TNKS: variants seen among roughly 807,000 people sequenced by gnomAD.
TNKS encodes the protein tankyrase.
A neutral mutation model predicts 135.8 loss-of-function variants in TNKS; 72 were observed. That is an observed-to-expected ratio of 0.53 (90% confidence interval 0.44 to 0.64). TNKS has a LOEUF of 0.64. Among genes scored for constraint, TNKS ranks in the 30% least tolerant of loss-of-function variants. TNKS has a pLI of 0.00. For missense variants in TNKS, 1,769 were observed against 1,674.0 expected (o/e 1.06, Z -0.99); for synonymous variants, 849 against 649.3 (o/e 1.31, Z -4.68).
chr8:9,723,245 G>A (rs1201636466), intron 12 of TNKS, among the ~76,000 whole-genome samples: 1 of 139,168 alleles, frequency 7.2e-6, no homozygotes, highest in Non-Finnish European at 1.6e-5. Context: ...GTATGTCTCT[G>A]TAGACTATGG....
chr8:9,620,802 A>G (rs571532269), intron 3 of TNKS, among the ~76,000 whole-genome samples: 2 of 152,314 alleles, frequency 1.3e-5, no homozygotes, highest in East Asian at 1.9e-4. Context: ...CCATCAGCCT[A>G]TTTGATTTCC....
At chr8:9,668,801 A>G (rs1423967716) in intron 3 of TNKS, among the ~76,000 whole-genome samples, 3 of 152,220 alleles carry the variant, frequency 2.0e-5, no homozygotes, top group Admixed American at 6.5e-5. Context: ...TAGAGTTGAT[A>G]GTGTGTGTTG....
At chr8:9,740,456 G>A (rs971342461) in intron 17 of TNKS, among the ~76,000 whole-genome samples, 1 of 152,166 alleles carries the variant, frequency 6.6e-6, no homozygotes, top group Non-Finnish European at 1.5e-5. Context: ...CCTTTGTAAT[G>A]AGACTGTCGT....
At chr8:9,682,998 T>C (rs987830383) in intron 5 of TNKS, among the ~76,000 whole-genome samples, 18 of 152,150 alleles carry the variant, frequency 1.2e-4, no homozygotes, top group Admixed American at 9.8e-4. Context: ...AGGGTTTTTT[T>C]CAAATTAAAT....
chr8:9,734,609 T>C (rs1326087795), intron 15 of TNKS, among the ~76,000 whole-genome samples: 1 of 152,208 alleles, frequency 6.6e-6, no homozygotes, highest in Non-Finnish European at 1.5e-5. Context: ...ATTATATAGG[T>C]TGTCTCAAAG....
intron 18 of TNKS, 101 bp downstream of exon 18, chr8:9,748,313 C>G (rs1806342877): frequency 3.7e-6 from 4 of 1,080,088 alleles, no homozygotes; most frequent in Non-Finnish European, 4.8e-6. Context: ...GTTTATTTCA[C>G]TTAGAACAGA....
intron 20 of TNKS, among the ~76,000 whole-genome samples, chr8:9,756,928 A>G (rs1308678999): frequency 6.6e-6 from 1 of 151,994 alleles, no homozygotes; most frequent in East Asian, 1.9e-4. Context: ...CTCTGCTGAA[A>G]AGACTTCCCA....
chr8:9,573,631 G>C (rs1797841349), intron 1 of TNKS, among the ~76,000 whole-genome samples: 1 of 152,186 alleles, frequency 6.6e-6, no homozygotes, highest in Non-Finnish European at 1.5e-5. Flanking sequence ...TTAGTTTACA[G>C]TTACTTTATC....
At chr8:9,572,944 A>G (rs923822564) in intron 1 of TNKS, among the ~76,000 whole-genome samples, 6 of 152,040 alleles carry the variant, frequency 3.9e-5, no homozygotes, top group Non-Finnish European at 7.4e-5. Flanking sequence ...CAATATTTTC[A>G]TTGTTAAGAA....
At position 9,623,179 on chromosome 8, in the gene TNKS, C is replaced by A. The variant is rs569480944; in HGVS notation, c.994+7502C>A. Among the ~76,000 whole-genome samples, 3 of 152,282 alleles carry A rather than the reference C, an allele frequency of 2.0e-5. No homozygotes were observed. The East Asian group carries it at 5.8e-4, about 29-fold the overall frequency. On this transcript the variant is annotated intron_variant, in intron 3 of 26. Coordinates refer to ENST00000310430, the MANE Select transcript of TNKS (RefSeq NM_003747.3). ...GATAATGGGGAATATCATAAACGAT[C>A]TTCTTCAGTCTTTGCTCTCTAGTCA... is the stretch of plus-strand genomic sequence containing the variant.
chr8:9,667,438 C>A (rs1378519160), intron 3 of TNKS, among the ~76,000 whole-genome samples: 1 of 152,214 alleles, frequency 6.6e-6, no homozygotes, highest in Non-Finnish European at 1.5e-5. Flanking sequence ...ATGCGTAAGC[C>A]TACTGAGGGC....
intron 11 of TNKS, among the ~76,000 whole-genome samples, chr8:9,719,235 C>A (rs912146081): frequency 3.9e-5 from 6 of 152,098 alleles, no homozygotes; most frequent in African/African-American, 1.4e-4. Flanking sequence ...AGTACAACAG[C>A]CTTACTGGTA....
At chr8:9,657,249 G>T (rs1801426588) in intron 3 of TNKS, among the ~76,000 whole-genome samples, 1 of 124,296 alleles carries the variant, frequency 8.0e-6, no homozygotes, top group Non-Finnish European at 1.8e-5. Context: ...CGGGCGGGGG[G>T]CCGACCCCCC....
intron 1 of TNKS, among the ~76,000 whole-genome samples, chr8:9,564,740 T>C (rs1474339369): frequency 6.6e-6 from 1 of 152,238 alleles, no homozygotes; most frequent in African/African-American, 2.4e-5. Flanking sequence ...TTGAGGCACC[T>C]AATACCATGC....
At chr8:9,596,306 T>C (rs1798785308) in intron 2 of TNKS, among the ~76,000 whole-genome samples, 1 of 152,166 alleles carries the variant, frequency 6.6e-6, no homozygotes, top group South Asian at 2.1e-4. Flanking sequence ...GGCTTCCCTT[T>C]GTACAGTTTT....
At chr8:9,740,036 C>A (rs1805849249) in intron 17 of TNKS, among the ~76,000 whole-genome samples, 1 of 88,212 alleles carries the variant, frequency 1.1e-5, no homozygotes, top group Non-Finnish European at 2.2e-5. Flanking sequence ...GCACATGTAC[C>A]CTAAAACTTA....
intron 3 of TNKS, among the ~76,000 whole-genome samples, chr8:9,663,526 T>C (rs1801836593): frequency 6.6e-6 from 1 of 152,218 alleles, no homozygotes; most frequent in African/African-American, 2.4e-5. Context: ...GATTCTGTTC[T>C]AACACTGTCT....
rs1009598667 is a variant in TNKS at position 9,734,952 on chromosome 8, C to T, written c.2401C>T (p.Leu801=). ...KEGDTDIQDL[L]RGDAALLDAA... ...AGGAGACACAGATATTCAGGACTTA[C>T]TGAGAGGGGATGCTGCTTTGTTGGA... Residue 801 remains leucine, a synonymous_variant, in exon 16 of 27, where the codon CTG becomes TTG. Transcript: ENST00000310430. 9 of 1,614,168 alleles carry T rather than the reference C, an allele frequency of 5.6e-6. No individual in the cohort carries two copies. The highest frequency in any genetic ancestry group is 5.0e-5 in the Admixed American group (3 of 60,026).
chr8:9,654,869 C>T (rs1175173154), intron 3 of TNKS, among the ~76,000 whole-genome samples: 1 of 152,228 alleles, frequency 6.6e-6, no homozygotes, highest in Non-Finnish European at 1.5e-5. Flanking sequence ...GTACCGGATT[C>T]ATCTCACTGG....
Sources: allele counts gnomAD v4.1 joint callset (sites outside exome capture counted in the v4.1 genomes callset), GRCh38; gene constraint gnomAD v4.1.1; transcripts MANE v1.5; gene names NCBI Gene and HGNC (gene_info 2026-07-23, HGNC 2026-07-21).